The following ABTB2 variants were observed in gnomAD, a reference collection of about 807,000 sequenced individuals.
The protein encoded by ABTB2 is ankyrin repeat and BTB domain containing 2.
In ABTB2, 56 loss-of-function variants were observed where a neutral mutation model predicts 104.1. The observed-to-expected ratio is 0.54, with a 90% CI of 0.43 to 0.67. The LOEUF (loss-of-function observed/expected upper bound fraction) is 0.67. ABTB2 is among the 30% of genes least tolerant of loss of function. ABTB2 has a pLI of 0.00. For missense variants in ABTB2, 1,279 were observed against 1,407.7 expected, an observed-to-expected ratio of 0.91 and a Z score of 1.46; for synonymous variants, 606 against 608.2, an observed-to-expected ratio of 1.00 and a Z score of 0.05.
At chr11:34,286,151 A>G (rs1318292048) in intron 1 of ABTB2, among the ~76,000 whole-genome samples, 1 of 151,976 alleles carries the variant, frequency 6.6e-6, no homozygotes, top group African/African-American at 2.4e-5. Context: ...CTCAAAAAAA[A>G]AAAAATTAGT....
At chr11:34,219,277 G>T (rs1288339844) in intron 1 of ABTB2, among the ~76,000 whole-genome samples, 1 of 152,208 alleles carries the variant, frequency 6.6e-6, no homozygotes. Flanking sequence ...CACCAGCCAG[G>T]CATGGTGGCT....
At chr11:34,298,089 T>G (rs913754069) in intron 1 of ABTB2, among the ~76,000 whole-genome samples, 5 of 151,620 alleles carry the variant, frequency 3.3e-5, no homozygotes, top group African/African-American at 9.7e-5. Flanking sequence ...ATGTCTGTTT[T>G]TTTTTTTTTT....
chr11:34,208,487 C>T (rs2746632), intron 1 of ABTB2, among the ~76,000 whole-genome samples: 2 of 151,900 alleles, frequency 1.3e-5, no homozygotes, highest in Non-Finnish European at 2.9e-5. Context: ...TGAGCATGAT[C>T]GAGTGATCCT....
intron 1 of ABTB2, among the ~76,000 whole-genome samples, chr11:34,248,943 C>G (rs1854019732): frequency 6.6e-6 from 1 of 152,130 alleles, no homozygotes. Context: ...CCAGCCTGAC[C>G]AAAATGGAGA....
intron 4 of ABTB2, among the ~76,000 whole-genome samples, chr11:34,172,390 AAAAAAATATATAT>A: frequency 1.9e-5 from 1 of 53,364 alleles, no homozygotes; most frequent in African/African-American, 5.9e-5. Flanking sequence ...AAAAAAAAAA[AAAAAAATATATAT>A]ATATATATAT....
rs1027446509 is a variant in ABTB2 at position 34,167,007 on chromosome 11, C to T, written c.1755+252G>A. The stretch of plus-strand genomic sequence containing the variant: ...GAGAGAGAGAGAGATGCCGGGAGGG[C>T]ATGACAGGACCCTAGTGCTGCCTGG... On this transcript the variant is annotated intron_variant, in intron 7 of 16. Transcript: ENST00000435224. Among the ~76,000 whole-genome samples, 2 of 152,240 alleles carry T rather than the reference C, an allele frequency of 1.3e-5. 1 individual carries two copies. The highest frequency in any genetic ancestry group is 4.1e-4 in the South Asian group (2 of 4,834).
intron 1 of ABTB2, among the ~76,000 whole-genome samples, chr11:34,343,136 A>G (rs1855283797): frequency 6.6e-6 from 1 of 151,814 alleles, no homozygotes; most frequent in Non-Finnish European, 1.5e-5. Flanking sequence ...CTCTGGGCTA[A>G]TATGTTGCTC....
intron 1 of ABTB2, among the ~76,000 whole-genome samples, chr11:34,343,545 G>A (rs918168499): frequency 5.9e-5 from 9 of 151,966 alleles, no homozygotes; most frequent in Non-Finnish European, 8.8e-5. Context: ...TGTGATCTGC[G>A]CTCACTGCAA....
chr11:34,293,580 A>G (rs1319717784), intron 1 of ABTB2, among the ~76,000 whole-genome samples: 4 of 152,150 alleles, frequency 2.6e-5, no homozygotes, highest in Admixed American at 2.0e-4. Context: ...AAGTGCAGGA[A>G]CTGTTCCGGG....
intron 1 of ABTB2, among the ~76,000 whole-genome samples, chr11:34,221,846 C>A (rs1410430398): frequency 6.6e-6 from 1 of 152,234 alleles, no homozygotes; most frequent in African/African-American, 2.4e-5. Context: ...CCAGACCAGC[C>A]TGGTCAACAT....
At chr11:34,189,685 A>T (rs148479102) in intron 3 of ABTB2, among the ~76,000 whole-genome samples, 306 of 152,202 alleles carry the variant, frequency 2.0e-3, no homozygotes, top group African/African-American at 6.7e-3. Context: ...GAAACAACAA[A>T]AGTCCTTCTA....
At chr11:34,177,557 G>T (rs1554981108) in intron 3 of ABTB2, among the ~76,000 whole-genome samples, 2 of 151,324 alleles carry the variant, frequency 1.3e-5, no homozygotes, top group African/African-American at 2.4e-5. Context: ...AAAACTGAGG[G>T]TTTTTTTTTC....
intron 1 of ABTB2, among the ~76,000 whole-genome samples, chr11:34,294,162 T>C (rs955052540): frequency 1.1e-4 from 17 of 152,074 alleles, no homozygotes; most frequent in Admixed American, 1.0e-3. Context: ...CAAAACCTCA[T>C]CTCTACAAAA....
At chr11:34,301,305 T>C (rs1476863446) in intron 1 of ABTB2, among the ~76,000 whole-genome samples, 3 of 152,256 alleles carry the variant, frequency 2.0e-5, no homozygotes, top group Non-Finnish European at 2.9e-5. Flanking sequence ...TGCCATTAAA[T>C]GAATTTAAAA....
At chr11:34,265,932 G>A (rs1421179348) in intron 1 of ABTB2, among the ~76,000 whole-genome samples, 2 of 152,140 alleles carry the variant, frequency 1.3e-5, no homozygotes, top group African/African-American at 2.4e-5. Context: ...TCACGCCACT[G>A]CATTCCAGCC....
At chr11:34,303,709 C>T (rs1854738493) in intron 1 of ABTB2, among the ~76,000 whole-genome samples, 1 of 132,488 alleles carries the variant, frequency 7.5e-6, no homozygotes, top group South Asian at 2.4e-4. Flanking sequence ...GTGGCGTGAT[C>T]TCAGCTCACT....
intron 1 of ABTB2, among the ~76,000 whole-genome samples, chr11:34,332,747 C>T (rs1855147140): frequency 6.6e-6 from 1 of 151,840 alleles, no homozygotes; most frequent in African/African-American, 2.4e-5. Flanking sequence ...GAAAAAGAGG[C>T]AAAGGCAGGA....
At chr11:34,196,688 G>A (rs1012350096) in intron 3 of ABTB2, among the ~76,000 whole-genome samples, 11 of 152,210 alleles carry the variant, frequency 7.2e-5, no homozygotes, top group African/African-American at 2.7e-4. Flanking sequence ...TCCCAGCTAG[G>A]AAAGTGTTGG....
chr11:34,270,829 C>A (rs945194015), intron 1 of ABTB2, among the ~76,000 whole-genome samples: 2 of 151,884 alleles, frequency 1.3e-5, no homozygotes, highest in East Asian at 1.9e-4. Context: ...GATAGCATAT[C>A]GTCAAGTTTT....
Sources: gnomAD v4.1 joint callset for allele counts (sites outside exome capture counted in the v4.1 genomes callset) on GRCh38, gnomAD v4.1.1 for gene constraint, MANE v1.5 for transcripts, NCBI Gene and HGNC (gene_info 2026-07-23, HGNC 2026-07-21) for gene names.